Variants in OTOG observed in about 807,000 individuals in gnomAD.
OTOG encodes the protein otogelin.
In OTOG, 296 loss-of-function variants were observed where a neutral mutation model predicts 313.8. The ratio of observed to expected loss-of-function variants is 0.94; its 90% CI spans 0.86 to 1.04. The LOEUF is 1.04. OTOG is among the 50% of genes least tolerant of loss of function. OTOG has a pLI of 0.00. For missense variants in OTOG, 3,948 were observed against 3,840.1 expected (o/e 1.03, Z -0.74); for synonymous variants, 1,533 against 1,554.9 (o/e 0.99, Z 0.33).
Position 17,607,053 on chromosome 11 carries a change from C to T in OTOG, c.4156+918C>T, listed in dbSNP as rs114514493. 2.5e-3 allele frequency among the ~76,000 whole-genome samples: 382 copies of T among 152,306 alleles called. 2 individuals are homozygous for T. The highest frequency in any genetic ancestry group is 8.9e-3 in the African/African-American group (370 of 41,546). On this transcript the variant is annotated intron_variant, in intron 33 of 55. Coordinates refer to ENST00000399397, the MANE Select transcript of OTOG (RefSeq NM_001292063.2). Reference sequence around the variant, plus strand: ...TCAAATCCTGACCCTGGTCCTAGACCCTTGGAGGAGAACCCTCATCTCCTT... The same window carrying T: ...TCAAATCCTGACCCTGGTCCTAGACTCTTGGAGGAGAACCCTCATCTCCTT...
chr11:17,552,788 C>T (rs1028536833), intron 4 of OTOG, among the ~76,000 whole-genome samples: 5 of 152,242 alleles, frequency 3.3e-5, no homozygotes, highest in Non-Finnish European at 7.3e-5. Flanking sequence ...GGGCAGTCCC[C>T]CTGCTCACCC....
At chr11:17,636,296 A>G (rs1854265418) in intron 47 of OTOG, among the ~76,000 whole-genome samples, 1 of 152,238 alleles carries the variant, frequency 6.6e-6, no homozygotes, top group African/African-American at 2.4e-5. Context: ...CACTATGTAC[A>G]TAGTACCTCA....
chr11:17,605,706 G>C, intron 32 of OTOG, 151 bp from the exon 33 acceptor site: 11 of 820,964 alleles, frequency 1.3e-5, no homozygotes, highest in Non-Finnish European at 1.8e-5. Context: ...AGAGTAGGTG[G>C]GCTGGGGGCT....
rs928718788 is a variant in OTOG, at chr11:17,591,309, C to G, written c.2868-141C>G. 19 of 1,165,380 alleles carry G rather than the reference C, an allele frequency of 1.6e-5. 1 individual carries two copies. In the South Asian group the frequency reaches 3.2e-4, roughly 20 times the overall value. The allele number at this position is 1,165,380 out of a possible 1,614,324, so 72.2% of individuals were successfully genotyped here. A position where few individuals can be genotyped will look rare whatever the true frequency, so the allele number is the denominator to read the frequency against. ...TGAAATCACAATCCTGCCCTCCAGGCTCCTGTTAGAGGTTGGTGTTTGTTG... is the reference window on the plus strand; with the variant it reads ...TGAAATCACAATCCTGCCCTCCAGGGTCCTGTTAGAGGTTGGTGTTTGTTG... On this transcript the variant is annotated intron_variant, in intron 24 of 55. Coordinates refer to ENST00000399397, the MANE Select transcript of OTOG (RefSeq NM_001292063.2).
At chr11:17,555,944 G>A (rs770684931) in intron 7 of OTOG, 47 bp downstream of exon 7, 34 of 1,414,620 alleles carry the variant, frequency 2.4e-5, no homozygotes, top group Middle Eastern at 1.7e-4. Flanking sequence ...CCTGACACTG[G>A]TGGTGGTGGA....
Position 17,591,558 on chromosome 11 carries a change from C to T in OTOG, c.2976C>T (p.Phe992=), listed in dbSNP as rs1232096887. ...CGTTTGATGGGCTCCCGTTTGACTT[C>T]GTGGGGGCATGCAAAGTGCACCTGG... ...YRTFDGLPFD[F]VGACKVHLVK... Residue 992 remains phenylalanine (F), a synonymous_variant, in exon 25 of 56, where the codon TTC becomes TTT. Coordinates refer to ENST00000399397, the MANE Select transcript of OTOG (RefSeq NM_001292063.2). 10 of 1,550,634 alleles carry T rather than the reference C, an allele frequency of 6.4e-6. No individual in the cohort carries two copies. Among genetic ancestry groups the T allele is most frequent in the South Asian group, 3.6e-5 (3 of 84,064 alleles).
intron 39 of OTOG, 56 bp downstream of exon 39, chr11:17,613,757 G>T: frequency 7.0e-7 from 1 of 1,437,218 alleles, no homozygotes; most frequent in South Asian, 1.2e-5. Context: ...CTGAGGGACA[G>T]GGCATCCAGG....
At chr11:17,631,110 T>C (rs531456040) in intron 40 of OTOG, among the ~76,000 whole-genome samples, 20 of 152,272 alleles carry the variant, frequency 1.3e-4, no homozygotes, top group African/African-American at 4.8e-4. Context: ...TCATATGCCA[T>C]TGGCTGGGAC....
chr11:17,548,044 A>G, intron 2 of OTOG, 57 bp downstream of exon 2: 1 of 1,224,470 alleles, frequency 8.2e-7, no homozygotes, highest in Non-Finnish European at 1.1e-6. Context: ...TATTTCTGGC[A>G]TCAGCGACCC....
chr11:17,635,686 A>C lies in OTOG; in HGVS notation c.7770A>C (p.Glu2590Asp). The C allele has an allele frequency of 6.4e-7, 1 of 1,550,470 alleles. No individual in the cohort carries two copies. Among genetic ancestry groups the C allele is most frequent in the African/African-American group, 1.4e-5 (1 of 73,152 alleles). ...EALTVHRNTT[E>D]LCCPLYQCVC... is the part of the protein sequence containing the mutation. ...TCACTGTGCACAGGAATACCACGGA[A>C]CTCTGCTGCCCTCTGTACCAGTGTG... The change falls in exon 47 of 56, where the codon GAA becomes GAC. Residue 2590 changes from glutamate to aspartate, a missense_variant. Coordinates refer to ENST00000399397, the MANE Select transcript of OTOG (RefSeq NM_001292063.2).
intron 18 of OTOG, 35 bp from the exon 19 acceptor site, chr11:17,573,043 C>G (rs771442646): frequency 6.7e-5 from 101 of 1,507,478 alleles, no homozygotes; most frequent in Non-Finnish European, 8.5e-5. Context: ...AGACCGACTC[C>G]CCTGACTGCC....
intron 3 of OTOG, among the ~76,000 whole-genome samples, chr11:17,549,083 G>A (rs1401181594): frequency 6.6e-6 from 1 of 152,166 alleles, no homozygotes; most frequent in Non-Finnish European, 1.5e-5. Flanking sequence ...TGTGGGAGAG[G>A]TGGCAGTTTT....
intron 49 of OTOG, 32 bp from the exon 50 acceptor site, chr11:17,640,713 C>T (rs1352838465): frequency 1.3e-6 from 2 of 1,546,486 alleles, no homozygotes; most frequent in Non-Finnish European, 1.7e-6. Context: ...TGGCCCCCAA[C>T]CCAGGGTGCT....
intron 24 of OTOG, among the ~76,000 whole-genome samples, chr11:17,591,235 A>G (rs1852924631): frequency 6.6e-6 from 1 of 152,190 alleles, no homozygotes; most frequent in African/African-American, 2.4e-5. Context: ...CAGGCCCATT[A>G]TTTATTGGCT....
chr11:17,629,065 C>T, intron 39 of OTOG, 68 bp from the exon 40 acceptor site: 3 of 1,406,764 alleles, frequency 2.1e-6, no homozygotes, highest in Non-Finnish European at 9.7e-7. Context: ...GATGGACGGA[C>T]AGATGGATGG....
chr11:17,617,685 T>C (rs1853756735), intron 39 of OTOG, among the ~76,000 whole-genome samples: 1 of 152,182 alleles, frequency 6.6e-6, no homozygotes, highest in Non-Finnish European at 1.5e-5. Context: ...GTTATTTGTG[T>C]CTTCTCTCTT....
chr11:17,561,008 A>T (rs1282468872), intron 13 of OTOG, 83 bp from the exon 14 acceptor site: 1 of 1,445,822 alleles, frequency 6.9e-7, no homozygotes, highest in Non-Finnish European at 9.5e-7. Flanking sequence ...GGGAAGACTG[A>T]GGGCTGTGGG....
In OTOG at chr11:17,610,168, G is replaced by A. The variant is rs746075986; in HGVS notation, c.4868G>A (p.Arg1623Gln). 128 of 1,550,438 alleles carry A rather than the reference G, an allele frequency of 8.3e-5. No individual in the cohort carries two copies. The highest frequency in any genetic ancestry group is 9.6e-5 in the Non-Finnish European group (110 of 1,146,974). Residue 1623 changes from arginine (R) to glutamine (Q), a missense_variant, in exon 36 of 56, where the codon CGA becomes CAA. Physicochemically the swap from Arg to Gln is conservative, Grantham distance 43. Transcript: ENST00000399397. ...FPLMTKAVTV[R>Q]GHGSLPVRTT... ...CTCATGACCAAGGCTGTGACAGTCC[G>A]AGGCCATGGCTCCTTGCCTGTTAGG... is the stretch of plus-strand genomic sequence containing the variant.
intron 30 of OTOG, 141 bp from the exon 31 acceptor site, chr11:17,599,530 C>A: frequency 1.2e-6 from 1 of 863,094 alleles, no homozygotes; most frequent in Non-Finnish European, 1.9e-6. Context: ...CATGACCATT[C>A]CCAAATCTTG....
Sources: allele counts gnomAD v4.1 joint callset (sites outside exome capture counted in the v4.1 genomes callset), GRCh38; gene constraint gnomAD v4.1.1; transcripts MANE v1.5; gene names NCBI Gene and HGNC (gene_info 2026-07-23, HGNC 2026-07-21).